The following ZNF808 variants were observed in gnomAD, a reference collection of about 807,000 sequenced individuals.
ZNF808 encodes the protein zinc finger protein 808.
ZNF808 carries 5 observed loss-of-function variants against 8.7 expected under a neutral mutation model. The ratio of observed to expected loss-of-function variants is 0.58; its 90% CI spans 0.30 to 1.21. ZNF808 has a LOEUF of 1.21. Ranked by LOEUF, ZNF808 falls within the 50% of genes most tolerant of loss-of-function variation. The pLI is 0.07. For missense variants in ZNF808, 1,103 were observed against 1,098.4 expected, an observed-to-expected ratio of 1.00 and a Z score of -0.06; for synonymous variants, 380 against 366.0, an observed-to-expected ratio of 1.04 and a Z score of -0.44.
chr19:52,564,378 ATTGG>A (rs2059867529), exon 4 of ZNF808: 2 of 451,932 alleles, frequency 4.4e-6, no homozygotes, highest in Non-Finnish European at 7.9e-6. Context: ...TTATGAACGC[ATTGG>A]TTGGGTGGGT....
At chr19:52,540,609 GA>G (rs1342447953) in intron 2 of ZNF808, among the ~76,000 whole-genome samples, 1 of 151,556 alleles carries the variant, frequency 6.6e-6, no homozygotes, top group Non-Finnish European at 1.5e-5. Context: ...TATGTCATCT[GA>G]AAAAATGGTA....
chr19:52,537,007 A>ATGGC (rs397714521), intron 2 of ZNF808, among the ~76,000 whole-genome samples: 2 of 151,676 alleles, frequency 1.3e-5, no homozygotes, highest in Non-Finnish European at 2.9e-5. Flanking sequence ...ACCAACATGG[A>ATGGC]GAAACCCCAT....
At chr19:52,568,092 C>A (rs565274880), downstream of ZNF808, among the ~76,000 whole-genome samples, 1 of 152,298 alleles carries the variant, frequency 6.6e-6, no homozygotes, top group East Asian at 1.9e-4. Flanking sequence ...GTTTTCCTGG[C>A]CAGGCATGCA....
In ZNF808 at chr19:52,554,714, T is replaced by C. The variant is rs2059816969; in HGVS notation, c.1798T>C (p.Cys600Arg). 1.2e-6 allele frequency: 2 copies of C among 1,613,888 alleles called. No homozygotes were observed. Among genetic ancestry groups the C allele is most frequent in the Non-Finnish European group, 1.7e-6 (2 of 1,179,930 alleles). The change falls in exon 5 of 5, where the codon TGT becomes CGT. Residue 600 changes from cysteine (C) to arginine (R), a missense_variant. By Grantham distance (180) the Cys-to-Arg change is radical. Coordinates refer to ENST00000359798, the MANE Select transcript of ZNF808 (RefSeq NM_001039886.4). ...TGEKPYKCEA[C>R]DKVFGQKSAL... ...AGAGAAACCTTACAAATGTGAAGCATGTGACAAAGTTTTTGGTCAGAAATC... is the reference window on the plus strand; with the variant it reads ...AGAGAAACCTTACAAATGTGAAGCACGTGACAAAGTTTTTGGTCAGAAATC...
At chr19:52,563,064 G>A (rs149453886) in intron 3 of ZNF808, among the ~76,000 whole-genome samples, 2,530 of 152,036 alleles carry the variant, frequency 0.017, 43 homozygotes, top group Non-Finnish European at 0.024. Flanking sequence ...CTGAACCACC[G>A]CATCCTGTCG....
chr19:52,549,883 G>A (rs2059759141), intron 4 of ZNF808, among the ~76,000 whole-genome samples: 1 of 152,082 alleles, frequency 6.6e-6, no homozygotes, highest in Admixed American at 6.6e-5. Flanking sequence ...AAAATTATAG[G>A]AGGCCGCTTA....
chr19:52,547,977 T>G (rs1196855726), intron 4 of ZNF808, among the ~76,000 whole-genome samples: 12 of 152,000 alleles, frequency 7.9e-5, no homozygotes, highest in Non-Finnish European at 1.2e-4. Context: ...GACCTCAGGT[T>G]ATCCGCCCAC....
rs573712614 is a variant in ZNF808, at chr19:52,554,666, C to G, written c.1750C>G (p.Arg584Gly). ...KAFNQQSHLS[R>G]HRRLHTGEKP... ...TTTTAATCAACAATCACATCTTTCA[C>G]GTCATCGTAGACTTCATACTGGAGA... The change falls in exon 5 of 5, where the codon CGT becomes GGT. Residue 584 changes from arginine (R) to glycine (G), a missense_variant. By Grantham distance (125) the Arg-to-Gly change is moderately radical. Coordinates refer to ENST00000359798, the MANE Select transcript of ZNF808 (RefSeq NM_001039886.4). 1.9e-6 allele frequency: 3 copies of G among 1,613,914 alleles called. No homozygotes were observed. Among genetic ancestry groups the G allele is most frequent in the Non-Finnish European group, 2.5e-6 (3 of 1,179,964 alleles).
downstream of ZNF808, among the ~76,000 whole-genome samples, chr19:52,568,407 C>T (rs1191175977): frequency 6.6e-6 from 1 of 151,810 alleles, no homozygotes; most frequent in Admixed American, 6.6e-5. Context: ...ATGTGCTATA[C>T]AATTTAGTTT....
In ZNF808 at chr19:52,554,815, G is replaced by A. The variant is rs756567475; in HGVS notation, c.1899G>A (p.Thr633=). The A allele has an allele frequency of 8.7e-6, 14 of 1,613,810 alleles. 1 individual carries two copies. Among genetic ancestry groups the A allele is most frequent in the African/African-American group, 5.3e-5 (4 of 74,838 alleles). ...GTCAGGTTTGTGACACAGCTTTCAC[G>A]TGGAATTCACAGCTGGCACGACATA... ...YRCQVCDTAF[T]WNSQLARHTR... Residue 633 remains threonine (T), a synonymous_variant, in exon 5 of 5, where the codon ACG becomes ACA. Transcript: ENST00000359798.
downstream of ZNF808, among the ~76,000 whole-genome samples, chr19:52,557,309 C>T (rs2059841423): frequency 1.4e-5 from 2 of 147,398 alleles, no homozygotes; most frequent in South Asian, 4.3e-4. Context: ...TCTTGTTGTT[C>T]AGGCTGGAGT....
intron 1 of ZNF808, among the ~76,000 whole-genome samples, chr19:52,530,081 A>G (rs1266388007): frequency 1.3e-5 from 2 of 150,470 alleles, no homozygotes; most frequent in Non-Finnish European, 3.0e-5. Flanking sequence ...TTTTTTTGAG[A>G]GGGAGTTTTG....
chr19:52,551,133 C>G (rs769502271), intron 4 of ZNF808, among the ~76,000 whole-genome samples: 4 of 152,130 alleles, frequency 2.6e-5, no homozygotes, highest in African/African-American at 4.8e-5. Context: ...GGGTGGATCA[C>G]CTGAGGTCAG....
intron 2 of ZNF808, among the ~76,000 whole-genome samples, chr19:52,534,242 T>A (rs1208542839): frequency 6.6e-6 from 1 of 152,140 alleles, no homozygotes; most frequent in African/African-American, 2.4e-5. Context: ...TTTCTCCCCC[T>A]CCCTCGGGAT....
chr19:52,540,856 GTAATGA>G (rs931871741), intron 2 of ZNF808, among the ~76,000 whole-genome samples: 1 of 152,166 alleles, frequency 6.6e-6, no homozygotes, highest in African/African-American at 2.4e-5. Flanking sequence ...CTGGGAGTGA[GTAATGA>G]TATGTTTGGG....
chr19:52,529,762 A>G (rs1488243627), intron 1 of ZNF808, among the ~76,000 whole-genome samples: 1 of 152,002 alleles, frequency 6.6e-6, no homozygotes, highest in East Asian at 1.9e-4. Flanking sequence ...TGGCTGTATC[A>G]CACAGGCTGG....
intron 3 of ZNF808, among the ~76,000 whole-genome samples, chr19:52,545,288 G>A (rs1326046412): frequency 2.6e-5 from 4 of 152,180 alleles, no homozygotes; most frequent in African/African-American, 9.7e-5. Context: ...TGTTGCCTCA[G>A]CCTCTCCAGT....
intron 3 of ZNF808, among the ~76,000 whole-genome samples, chr19:52,544,188 C>T (rs1157089583): frequency 2.6e-5 from 4 of 152,146 alleles, no homozygotes; most frequent in Non-Finnish European, 4.4e-5. Flanking sequence ...GAGAAGGTGT[C>T]GCTCTGTGGC....
At chr19:52,568,621 T>C (rs565312272), downstream of ZNF808, among the ~76,000 whole-genome samples, 17 of 152,314 alleles carry the variant, frequency 1.1e-4, no homozygotes, top group South Asian at 3.5e-3. Flanking sequence ...GGAAAGCTTC[T>C]CTGTATTTCC....
Sources: gnomAD v4.1 joint callset for allele counts (sites outside exome capture counted in the v4.1 genomes callset) on GRCh38, gnomAD v4.1.1 for gene constraint, MANE v1.5 for transcripts, NCBI Gene and HGNC (gene_info 2026-07-23, HGNC 2026-07-21) for gene names.